Variants in AOAH observed in about 807,000 individuals in gnomAD.
The protein encoded by AOAH is acyloxyacyl hydrolase, also known as acyloxyacyl hydrolase (neutrophil).
AOAH carries 64 observed loss-of-function variants against 92.2 expected under a neutral mutation model. The observed-to-expected ratio is 0.69, with a 90% CI of 0.57 to 0.86. The LOEUF (loss-of-function observed/expected upper bound fraction) is 0.86, where lower values mean the gene tolerates loss of function less well. Among genes scored for constraint, AOAH ranks in the 40% least tolerant of loss-of-function variants. AOAH has a pLI of 0.00. For missense variants in AOAH, 656 were observed against 694.6 expected, an observed-to-expected ratio of 0.94 and a Z score of 0.62; for synonymous variants, 263 against 254.5, an observed-to-expected ratio of 1.03 and a Z score of -0.32.
intron 13 of AOAH, among the ~76,000 whole-genome samples, chr7:36,566,642 C>G (rs1787735611): frequency 6.6e-6 from 1 of 152,076 alleles, no homozygotes; most frequent in Admixed American, 6.6e-5. Flanking sequence ...TAGAAAACAC[C>G]TGAAGCTGGT....
chr7:36,687,152 G>A (rs528679910), intron 1 of AOAH, among the ~76,000 whole-genome samples: 363 of 152,182 alleles, frequency 2.4e-3, no homozygotes, highest in Non-Finnish European at 4.0e-3. Context: ...ATTTGAAGTC[G>A]AAAGATCTAG....
intron 4 of AOAH, among the ~76,000 whole-genome samples, chr7:36,643,257 G>A (rs185903545): frequency 1.3e-5 from 2 of 152,280 alleles, no homozygotes; most frequent in Non-Finnish European, 2.9e-5. Flanking sequence ...TGCAAGCACA[G>A]CTGAGATTAG....
intron 13 of AOAH, among the ~76,000 whole-genome samples, chr7:36,556,580 G>A (rs1454264735): frequency 6.7e-6 from 1 of 149,792 alleles, no homozygotes; most frequent in Non-Finnish European, 1.5e-5. Context: ...TGTTGACAGT[G>A]GGGTGTTAAA....
chr7:36,627,463 AT>A (rs1410031130), intron 6 of AOAH, among the ~76,000 whole-genome samples: 1 of 152,054 alleles, frequency 6.6e-6, no homozygotes, highest in Non-Finnish European at 1.5e-5. Flanking sequence ...TATGCAAATT[AT>A]TTAATCTTTT....
intron 16 of AOAH, among the ~76,000 whole-genome samples, chr7:36,535,685 C>A (rs150760391): frequency 6.6e-6 from 1 of 152,136 alleles, no homozygotes; most frequent in Admixed American, 6.5e-5. Flanking sequence ...CATGGGCACT[C>A]GGCACGTTCG....
At chr7:36,701,591 T>C (rs1353866010) in intron 1 of AOAH, among the ~76,000 whole-genome samples, 2 of 151,748 alleles carry the variant, frequency 1.3e-5, no homozygotes, top group Non-Finnish European at 2.9e-5. Context: ...AAAGTGTATT[T>C]TTCTGGTACT....
intron 6 of AOAH, among the ~76,000 whole-genome samples, chr7:36,626,382 T>C (rs1045926005): frequency 1.7e-4 from 26 of 152,318 alleles, no homozygotes; most frequent in African/African-American, 6.3e-4. Context: ...AAAGCTGATT[T>C]ATTAACCTTT....
chr7:36,659,525 G>T (rs1562668290), intron 3 of AOAH, among the ~76,000 whole-genome samples: 3 of 152,150 alleles, frequency 2.0e-5, no homozygotes, highest in African/African-American at 7.2e-5. Flanking sequence ...AGCCTCTCAC[G>T]CGAGTGCTGG....
At chr7:36,682,300 A>AT (rs58124867) in intron 2 of AOAH, among the ~76,000 whole-genome samples, 19 of 151,800 alleles carry the variant, frequency 1.3e-4, no homozygotes, top group East Asian at 3.9e-4. Flanking sequence ...AGCTGCCACA[A>AT]TTTTTTTTTA....
intron 11 of AOAH, among the ~76,000 whole-genome samples, chr7:36,610,697 C>G (rs963116268): frequency 6.6e-6 from 1 of 152,178 alleles, no homozygotes; most frequent in African/African-American, 2.4e-5. Context: ...AGCGTATGCA[C>G]TCTCTTCCTT....
chr7:36,686,722 T>C lies in AOAH; in HGVS notation c.200A>G (p.Glu67Gly). The change falls in exon 2 of 21, where the codon GAG (glutamate) becomes GGG (glycine). Residue 67 changes from glutamate (E) to glycine (G), a missense_variant. Coordinates refer to ENST00000617537, the MANE Select transcript of AOAH (RefSeq NM_001637.4). ...ACCAGGCAGGTAGCTGCACAGTCTC[T>C]CCATCGAGGCCTGGACCGTCGAGTT... ...VHNSTVQASM[E>G]RLCSYLPEKL... The C allele has an allele frequency of 6.4e-7, 1 of 1,557,154 alleles. No homozygotes were observed.
chr7:36,576,603 T>G lies in AOAH; in HGVS notation c.992A>C (p.His331Pro). ...TCTTGAAATATTCTGGTAGTCCCTG[T>G]GATTACAGTGGTTTCTTTTCCATAA... ...LRLWKRNHCNHRDYQNISRNG... is the reference protein window; with the variant it reads ...LRLWKRNHCNPRDYQNISRNG... The change falls in exon 13 of 21, where the codon CAC becomes CCC. Residue 331 changes from histidine (H) to proline (P), a missense_variant. Transcript: ENST00000617537. 6.3e-7 allele frequency: 1 copy of G among 1,583,786 alleles called. No homozygotes were observed.
chr7:36,570,911 G>A (rs1204541290), intron 13 of AOAH, among the ~76,000 whole-genome samples: 2 of 152,178 alleles, frequency 1.3e-5, no homozygotes, highest in Non-Finnish European at 2.9e-5. Flanking sequence ...CCTGCTATGC[G>A]AAGCAGAGGC....
Position 36,724,266 on chromosome 7 carries a change from GAC to G in AOAH, c.-120_-119del, listed in dbSNP as rs1026247610. The G allele has an allele frequency of 3.4e-6, 4 of 1,191,638 alleles. No homozygotes were observed. In the African/African-American group the frequency reaches 6.1e-5, roughly 18 times the overall value. 73.8% of individuals were successfully genotyped at this position (1,191,638 alleles called of 1,614,324 possible). On this transcript the variant is annotated 5_prime_UTR_variant, in exon 1 of 21. An upstream open reading frame in the 5' UTR loses its in-frame stop. Coordinates refer to ENST00000617537, the MANE Select transcript of AOAH (RefSeq NM_001637.4). ...TCTCCTTCTCTTCCTCACTCTCTTT[GAC>G]ACACACACCCCACCCTCTCACATAC...
chr7:36,608,386 C>T (rs1374809086), intron 11 of AOAH, among the ~76,000 whole-genome samples: 1 of 152,220 alleles, frequency 6.6e-6, no homozygotes, highest in Non-Finnish European at 1.5e-5. Context: ...CCTTCCTTTG[C>T]AGGCTCTGTG....
At chr7:36,639,418 A>G (rs201991332) in intron 4 of AOAH, among the ~76,000 whole-genome samples, 1 of 152,168 alleles carries the variant, frequency 6.6e-6, no homozygotes, top group African/African-American at 2.4e-5. Flanking sequence ...AGTCCTTTGC[A>G]TTCTCAGGCC....
At position 36,724,142 on chromosome 7, in the gene AOAH, ACTGCATCT is replaced by A. The variant is rs1417502418; in HGVS notation, c.-2_6del. On this transcript the variant is annotated start_lost and 5_prime_UTR_variant, in exon 1 of 21. Coordinates refer to ENST00000617537, the MANE Select transcript of AOAH (RefSeq NM_001637.4). The stretch of plus-strand genomic sequence containing the variant: ...GCCACCGTAAGGATTTTCCAGGGGG[ACTGCATCT>A]CCGAGCTATGCACCCCAAGTGATCA... The A allele has an allele frequency of 6.2e-7, 1 of 1,612,844 alleles. No homozygotes were observed. Among genetic ancestry groups the A allele is most frequent in the East Asian group, 2.2e-5 (1 of 44,784 alleles).
intron 14 of AOAH, 92 bp from the exon 15 acceptor site, chr7:36,548,778 G>A (rs1249827290): frequency 8.8e-7 from 1 of 1,138,672 alleles, no homozygotes; most frequent in African/African-American, 1.6e-5. Context: ...AAACAATCTT[G>A]GTATGACCAC....
intron 20 of AOAH, among the ~76,000 whole-genome samples, chr7:36,521,754 C>A (rs916439427): frequency 6.6e-6 from 1 of 151,398 alleles, no homozygotes; most frequent in African/African-American, 2.4e-5. Flanking sequence ...CTTTTAGCAT[C>A]GCACAGAGCT....
Sources: allele counts gnomAD v4.1 joint callset (sites outside exome capture counted in the v4.1 genomes callset), GRCh38; gene constraint gnomAD v4.1.1; transcripts MANE v1.5; gene names NCBI Gene and HGNC (gene_info 2026-07-23, HGNC 2026-07-21).